The following CEP295 variants were observed in gnomAD, a reference collection of about 807,000 sequenced individuals.
CEP295 encodes centrosomal protein of 295 kDa.
In CEP295, 190 loss-of-function variants were observed where a neutral mutation model predicts 291.6. That is an observed-to-expected ratio of 0.65 (90% CI 0.58 to 0.73). The LOEUF (loss-of-function observed/expected upper bound fraction) is 0.73, where lower values mean the gene tolerates loss of function less well. Among genes scored for constraint, CEP295 ranks in the 30% least tolerant of loss-of-function variants. The probability of loss-of-function intolerance (pLI) is 0.00; values close to 1 mark genes in which losing one functional copy is unlikely to be tolerated. For synonymous variants in CEP295, 993 were observed against 1,038.8 expected, an observed-to-expected ratio of 0.96 and a Z score of 0.85; for missense variants, 2,863 against 2,949.4, an observed-to-expected ratio of 0.97 and a Z score of 0.68.
At chr11:93,673,025 G>A (rs767886501) in intron 5 of CEP295, among the ~76,000 whole-genome samples, 10 of 152,166 alleles carry the variant, frequency 6.6e-5, no homozygotes, top group Non-Finnish European at 1.3e-4. Flanking sequence ...TTGTCAAGAA[G>A]CCTATGGTTT....
At position 93,699,059 on chromosome 11, in the gene CEP295, T is replaced by A. The variant is rs1275953506; in HGVS notation, c.4147T>A (p.Trp1383Arg). The stretch of plus-strand genomic sequence containing the variant: ...AGAATTACTTTTACATCAGAGTGAA[T>A]GGGAGGGAAGAATATCTCCCGAGCA... ...REELLLHQSE[W>R]EGRISPEQVD... is the part of the protein sequence containing the mutation. The change falls in exon 15 of 30, where the codon TGG becomes AGG. Residue 1383 changes from tryptophan to arginine, a missense_variant. Physicochemically the swap from Trp to Arg is moderately radical, Grantham distance 101. Transcript: ENST00000325212. The A allele has an allele frequency of 6.5e-7, 1 of 1,546,290 alleles. No homozygotes were observed. Among genetic ancestry groups the A allele is most frequent in the East Asian group, 2.4e-5 (1 of 40,920 alleles).
chr11:93,695,377 T>C (rs1432375560), intron 12 of CEP295, 120 bp from the exon 13 acceptor site: 7 of 582,468 alleles, frequency 1.2e-5, no homozygotes, highest in Non-Finnish European at 1.9e-5. Context: ...CATCAACACT[T>C]ACTTCTTTGA....
chr11:93,709,089 A>G (rs567447882), intron 18 of CEP295, among the ~76,000 whole-genome samples: 3 of 151,988 alleles, frequency 2.0e-5, no homozygotes, highest in Non-Finnish European at 2.9e-5. Flanking sequence ...CTCCCATCCT[A>G]TTGGTTGTCT....
At chr11:93,693,540 G>A (rs1410207301) in intron 12 of CEP295, among the ~76,000 whole-genome samples, 1 of 152,128 alleles carries the variant, frequency 6.6e-6, no homozygotes, top group Admixed American at 6.5e-5. Context: ...CGGATCACCT[G>A]AGGTCAGGAG....
chr11:93,699,556 C>T lies in CEP295; in HGVS notation c.4644C>T (p.Ser1548=), dbSNP rs993134348. 1 of 1,551,764 alleles carries T rather than the reference C, an allele frequency of 6.4e-7. No homozygotes were observed. Among genetic ancestry groups the T allele is most frequent in the African/African-American group, 1.4e-5 (1 of 73,054 alleles). The change falls in exon 15 of 30, where the codon TCC becomes TCT. Residue 1548 remains serine, a synonymous_variant. Coordinates refer to ENST00000325212, the MANE Select transcript of CEP295 (RefSeq NM_033395.2). ...GGGTATCATCTGAACAAGTTTGCTC[C>T]TCTTCATTTGTATCCCAGGTGCCTG... is the stretch of plus-strand genomic sequence containing the variant. ...EKRVSSEQVC[S]SSFVSQVPVA... is the part of the protein sequence containing the mutation.
At chr11:93,719,302 C>T (rs1423363575) in intron 18 of CEP295, among the ~76,000 whole-genome samples, 1 of 146,444 alleles carries the variant, frequency 6.8e-6, no homozygotes, top group Non-Finnish European at 1.5e-5. Flanking sequence ...GTTGTTCACA[C>T]TGTTGCCCAG....
chr11:93,702,619 A>G lies in CEP295; in HGVS notation c.5434A>G (p.Thr1812Ala). ...TGATAATCATTTGGCTTCAGAAGATACTAGTGCCAAGCAAAGTGGTAAGAT... is the reference window on the plus strand; with the variant it reads ...TGATAATCATTTGGCTTCAGAAGATGCTAGTGCCAAGCAAAGTGGTAAGAT... ...SDDNHLASED[T>A]SAKQSGEHLE... is the part of the protein sequence containing the mutation. Residue 1812 changes from threonine to alanine, a missense_variant, in exon 16 of 30, where the codon ACT becomes GCT. Around this residue, in one of 3 missense-constraint regions of CEP295, gnomAD observed 2,295 missense variants for 2,335.7 expected, o/e 0.98. Transcript: ENST00000325212. 1 of 1,544,332 alleles carries G rather than the reference A, an allele frequency of 6.5e-7. No individual in the cohort carries two copies. Among genetic ancestry groups the G allele is most frequent in the South Asian group, 1.2e-5 (1 of 82,144 alleles).
chr11:93,675,011 C>T (rs1031982008), intron 5 of CEP295, among the ~76,000 whole-genome samples: 4 of 152,084 alleles, frequency 2.6e-5, no homozygotes, highest in Non-Finnish European at 5.9e-5. Flanking sequence ...CTACAAAATA[C>T]AGGAAAGGGA....
In CEP295 at chr11:93,699,927, A is replaced by G; in HGVS notation, c.5015A>G (p.Tyr1672Cys). The G allele has an allele frequency of 6.4e-7, 1 of 1,551,790 alleles. No homozygotes were observed. Among genetic ancestry groups the G allele is most frequent in the Non-Finnish European group, 8.7e-7 (1 of 1,147,002 alleles). The change falls in exon 15 of 30, where the codon TAT (tyrosine) becomes TGT (cysteine). Residue 1672 changes from tyrosine to cysteine, a missense_variant. Physicochemically the swap from Tyr to Cys is radical, Grantham distance 194. This residue lies in a region of CEP295 where 2,295 missense variants were observed against 2,335.7 expected (regional missense o/e 0.98). Coordinates refer to ENST00000325212, the MANE Select transcript of CEP295 (RefSeq NM_033395.2). ...EAKPKSTCEL[Y>C]SSQNEHAAPP... ...AAACCTAAAAGCACTTGTGAATTGT[A>G]TTCATCCCAGAATGAACATGCAGCC...
chr11:93,666,720 G>T lies in CEP295; in HGVS notation c.13G>T (p.Val5Phe), dbSNP rs1396602727. 6.5e-7 allele frequency: 1 copy of T among 1,532,182 alleles called. No individual in the cohort carries two copies. The highest frequency in any genetic ancestry group is 1.4e-5 in the African/African-American group (1 of 72,600). 94.9% of individuals were successfully genotyped at this position (1,532,182 alleles called of 1,614,324 possible). A position where few individuals can be genotyped will look rare whatever the true frequency, so the allele number is the denominator to read the frequency against. The change falls in exon 2 of 30, where the codon GTC (valine) becomes TTC (phenylalanine). Residue 5 changes from valine to phenylalanine, a missense_variant. Val to Phe is a conservative substitution (Grantham distance 50). Transcript: ENST00000325212. The stretch of plus-strand genomic sequence containing the variant: ...AAAGTACACAGAAATGAAGAGAAAA[G>T]TCGTGAATACTCACAAGCTGAGATT... MKRK[V>F]VNTHKLRLSP...
chr11:93,682,262 T>C (rs1166542727), intron 7 of CEP295, among the ~76,000 whole-genome samples: 1 of 152,142 alleles, frequency 6.6e-6, no homozygotes, highest in Admixed American at 6.5e-5. Flanking sequence ...CTCACTCTGT[T>C]GCCCAGGGTA....
In CEP295 at chr11:93,730,091, A is replaced by C. The variant is rs1174841269; in HGVS notation, c.7710A>C (p.Glu2570Asp). The C allele has an allele frequency of 2.6e-6, 4 of 1,551,214 alleles. No individual in the cohort carries two copies. Among genetic ancestry groups the C allele is most frequent in the East Asian group, 2.4e-5 (1 of 40,900 alleles). ...QLAEVKQQKE[E>D]KTKQEAYAQN... ...CTGAAGTGAAACAACAAAAGGAAGA[A>C]AAAACAAAACAAGAAGCTTATGCCC... is the stretch of plus-strand genomic sequence containing the variant. The change falls in exon 29 of 30, where the codon GAA becomes GAC. Residue 2570 changes from glutamate (E) to aspartate (D), a missense_variant. By Grantham distance (45) the Glu-to-Asp change is conservative (BLOSUM62 2). Around this residue, in one of 3 missense-constraint regions of CEP295, gnomAD observed 2,295 missense variants for 2,335.7 expected, o/e 0.98. Transcript: ENST00000325212.
rs1267324362 is a variant in CEP295, at chr11:93,721,942, C to T, written c.5851-12C>T. ...TGCTACATTGTGGTATGATATTCCC[C>T]TTAATTTCTAGGCTAAAACACTGTC... On this transcript the variant is annotated splice_polypyrimidine_tract_variant and intron_variant, in intron 19 of 29. Transcript: ENST00000325212. 1 of 1,590,380 alleles carries T rather than the reference C, an allele frequency of 6.3e-7. No individual in the cohort carries two copies. Among genetic ancestry groups the T allele is most frequent in the Non-Finnish European group, 8.6e-7 (1 of 1,158,826 alleles).
At chr11:93,670,643 C>T (rs574389914) in intron 5 of CEP295, among the ~76,000 whole-genome samples, 2 of 152,196 alleles carry the variant, frequency 1.3e-5, no homozygotes, top group South Asian at 4.1e-4. Flanking sequence ...GTACGTTGAG[C>T]CATCTACCAT....
At chr11:93,703,178 G>A (rs1251265013) in intron 17 of CEP295, among the ~76,000 whole-genome samples, 4 of 152,196 alleles carry the variant, frequency 2.6e-5, no homozygotes, top group East Asian at 1.9e-4. Flanking sequence ...TGGCCAGGCC[G>A]GTCTTGAACT....
At position 93,666,796 on chromosome 11, in the gene CEP295, G is replaced by A. The variant is rs745549865; in HGVS notation, c.89G>A (p.Arg30Gln). ...FILKEDYERR[R>Q]KLRLLQVREQ... Reference sequence around the variant, plus strand: ...TTGAAGGAAGATTATGAAAGAAGGCGAAAACTAAGATTGCTACAGGTATGA... The same window carrying A: ...TTGAAGGAAGATTATGAAAGAAGGCAAAAACTAAGATTGCTACAGGTATGA... The change falls in exon 2 of 30, where the codon CGA (arginine) becomes CAA (glutamine). Residue 30 changes from arginine (R) to glutamine (Q), a missense_variant. Arg to Gln is a conservative substitution (Grantham distance 43, BLOSUM62 1). Coordinates refer to ENST00000325212, the MANE Select transcript of CEP295 (RefSeq NM_033395.2). The A allele has an allele frequency of 2.2e-5, 34 of 1,536,472 alleles. No homozygotes were observed. Among genetic ancestry groups the A allele is most frequent in the Non-Finnish European group, 2.9e-5 (33 of 1,134,016 alleles).
At chr11:93,714,354 G>A (rs568932238) in intron 18 of CEP295, among the ~76,000 whole-genome samples, 10 of 152,238 alleles carry the variant, frequency 6.6e-5, no homozygotes, top group South Asian at 4.1e-4. Context: ...AGGTTCAGGC[G>A]AATCTCCTGC....
At position 93,698,160 on chromosome 11, in the gene CEP295, TA is replaced by T; in HGVS notation, c.3249del (p.Leu1083PhefsTer15). ...ARHEAQVELL[L>X]HRQRDLGDSK... ...CATGAAGCTCAGGTGGAATTACTTTTACATAGACAAAGAGATTTGGGGGACA... is the reference window on the plus strand; with the variant it reads ...CATGAAGCTCAGGTGGAATTACTTTTCATAGACAAAGAGATTTGGGGGACA... On this transcript the variant is annotated frameshift_variant, in exon 15 of 30. Coordinates refer to ENST00000325212, the MANE Select transcript of CEP295 (RefSeq NM_033395.2). LOFTEE classifies it high-confidence loss of function. The T allele has an allele frequency of 6.4e-7, 1 of 1,552,172 alleles. No individual in the cohort carries two copies. Among genetic ancestry groups the T allele is most frequent in the Non-Finnish European group, 8.7e-7 (1 of 1,147,094 alleles).
At position 93,684,016 on chromosome 11, in the gene CEP295, G is replaced by A; in HGVS notation, c.1002G>A (p.Val334=). 1.3e-6 allele frequency: 2 copies of A among 1,551,850 alleles called. No individual in the cohort carries two copies. Among genetic ancestry groups the A allele is most frequent in the Non-Finnish European group, 1.7e-6 (2 of 1,147,022 alleles). ...LHLEPEPLPT[V]TNQIQDEELD... ...TTGAACCAGAGCCCTTGCCCACTGT[G>A]ACTAATCAGATCCAAGATGAAGAGC... The change falls in exon 9 of 30, where the codon GTG becomes GTA. Residue 334 remains valine (V), a synonymous_variant. Coordinates refer to ENST00000325212, the MANE Select transcript of CEP295 (RefSeq NM_033395.2).
Sources: gnomAD v4.1 joint callset for allele counts (sites outside exome capture counted in the v4.1 genomes callset) on GRCh38, gnomAD v4.1.1 for gene constraint, gnomAD v4.1.1 regional missense constraint, MANE v1.5 for transcripts, NCBI Gene and HGNC (gene_info 2026-07-23, HGNC 2026-07-21) for gene names.